Variants in PIAS2 observed in about 807,000 individuals in gnomAD.
PIAS2 encodes E3 SUMO-protein ligase PIAS2.
A neutral mutation model predicts 69.7 loss-of-function variants in PIAS2; 19 were observed. The ratio of observed to expected loss-of-function variants is 0.27; its 90% confidence interval spans 0.19 to 0.40. The LOEUF (loss-of-function observed/expected upper bound fraction) is 0.40. Ranked by LOEUF, PIAS2 falls within the 10% of genes least tolerant of loss-of-function variation. PIAS2 has a pLI of 1.00. For missense variants in PIAS2, 624 were observed against 757.0 expected, an observed-to-expected ratio of 0.82 and a Z score of 2.06; for synonymous variants, 261 against 263.2, an observed-to-expected ratio of 0.99 and a Z score of 0.08.
chr18:46,875,858 T>C (rs1363189685), intron 2 of PIAS2, among the ~76,000 whole-genome samples: 2 of 152,226 alleles, frequency 1.3e-5, no homozygotes, highest in Non-Finnish European at 2.9e-5. Context: ...AGGCATGAAC[T>C]GTATGGTAGC....
At chr18:46,902,718 T>C (rs2056071781) in intron 1 of PIAS2, among the ~76,000 whole-genome samples, 2 of 152,318 alleles carry the variant, frequency 1.3e-5, no homozygotes, top group East Asian at 1.9e-4. Flanking sequence ...GATGAGATTA[T>C]TCTAAAATGT....
intron 1 of PIAS2, among the ~76,000 whole-genome samples, chr18:46,899,650 A>G (rs1275631434): frequency 6.6e-6 from 1 of 152,170 alleles, no homozygotes; most frequent in African/African-American, 2.4e-5. Flanking sequence ...TAATTTTAGT[A>G]AAGATGAGAT....
intron 7 of PIAS2, 30 bp from the exon 8 acceptor site, chr18:46,844,157 A>G: frequency 3.4e-6 from 4 of 1,167,712 alleles, no homozygotes; most frequent in Middle Eastern, 4.6e-4. Context: ...AAAAAAATTT[A>G]AAAAAATTAA....
intron 3 of PIAS2, among the ~76,000 whole-genome samples, chr18:46,858,925 T>C (rs1404388099): frequency 6.6e-6 from 1 of 152,084 alleles, no homozygotes; most frequent in Non-Finnish European, 1.5e-5. Flanking sequence ...AGTTATAGCA[T>C]CAATCTCCCA....
intron 2 of PIAS2, among the ~76,000 whole-genome samples, chr18:46,890,195 G>C (rs1166512577): frequency 6.6e-6 from 1 of 152,190 alleles, no homozygotes; most frequent in East Asian, 1.9e-4. Flanking sequence ...GAGAGGAGGA[G>C]AGGAAGGCTA....
rs148134647 is a variant in PIAS2 at position 46,865,308 on chromosome 18, G to C, written c.500-1060C>G. Among the ~76,000 whole-genome samples the C allele has an allele frequency of 7.9e-4, 120 of 152,236 alleles. 1 individual carries two copies. Among genetic ancestry groups the C allele is most frequent in the East Asian group, 4.8e-3 (25 of 5,172 alleles). ...TAATCCCAGCACTCTGGGAGGCCGAGGCAGGTGGATTACTTGAGGTCAAGT... is the reference window on the plus strand; with the variant it reads ...TAATCCCAGCACTCTGGGAGGCCGACGCAGGTGGATTACTTGAGGTCAAGT... On this transcript the variant is annotated intron_variant, in intron 2 of 13. Coordinates refer to ENST00000585916, the MANE Select transcript of PIAS2 (RefSeq NM_004671.5).
Position 46,917,400 on chromosome 18 carries a change from GC to G in PIAS2, c.-56del. 1 of 1,422,686 alleles carries G rather than the reference GC, an allele frequency of 7.0e-7. No individual in the cohort carries two copies. Among genetic ancestry groups the G allele is most frequent in the Non-Finnish European group, 9.2e-7 (1 of 1,081,830 alleles). The allele number at this position is 1,422,686 out of a possible 1,614,324, so 88.1% of individuals were successfully genotyped here. The stretch of plus-strand genomic sequence containing the variant: ...TGCCGCCGCACCCACTCCCGCTGCC[GC>G]CAACGACGCTGCCGCCACCACGGCC... On this transcript the variant is annotated 5_prime_UTR_variant, in exon 1 of 14. It introduces an in-frame stop codon into an upstream open reading frame of the 5' UTR. Transcript: ENST00000585916.
Position 46,807,810 on chromosome 18 carries a change from C to G in PIAS2, c.*4623G>C, listed in dbSNP as rs776608088. ...AAGGCAGAGGGTCTTAGTGCAGATG[C>G]CTGCATAAAGATAAAACGTTGCATG... On this transcript the variant is annotated 3_prime_UTR_variant, in exon 14 of 14. Coordinates refer to ENST00000585916, the MANE Select transcript of PIAS2 (RefSeq NM_004671.5). 1 of 152,158 alleles carries G rather than the reference C, an allele frequency of 6.6e-6. No homozygotes were observed. Among genetic ancestry groups the G allele is most frequent in the Non-Finnish European group, 1.5e-5 (1 of 68,034 alleles). 9.4% of individuals were successfully genotyped at this position (152,158 alleles called of 1,614,324 possible). A position where few individuals can be genotyped will look rare whatever the true frequency, so the allele number is the denominator to read the frequency against.
intron 6 of PIAS2, 167 bp from the exon 7 acceptor site, chr18:46,845,006 C>G (rs1272975117): frequency 2.6e-6 from 1 of 387,734 alleles, no homozygotes; most frequent in Non-Finnish European, 4.6e-6. Flanking sequence ...AGCTACTTCA[C>G]TGAAAATAAA....
chr18:46,919,354 C>T (rs1373916230), upstream of PIAS2, among the ~76,000 whole-genome samples: 4 of 152,060 alleles, frequency 2.6e-5, no homozygotes, highest in African/African-American at 9.7e-5. Flanking sequence ...GGCGTGGTGG[C>T]GCATTCCTGT....
Position 46,810,198 on chromosome 18 carries a change from C to T in PIAS2, c.*2235G>A, listed in dbSNP as rs1002506786. The T allele has an allele frequency of 7.0e-6, 1 of 142,678 alleles. No individual in the cohort carries two copies. Among genetic ancestry groups the T allele is most frequent in the African/African-American group, 2.6e-5 (1 of 38,494 alleles). 8.8% of individuals were successfully genotyped at this position (142,678 alleles called of 1,614,324 possible). On this transcript the variant is annotated 3_prime_UTR_variant, in exon 14 of 14. Coordinates refer to ENST00000585916, the MANE Select transcript of PIAS2 (RefSeq NM_004671.5). ...TGTTCACAGAAAATAGAAAAAAAAA[C>T]AAAAAAACAAATCACAATTATAAAA...
At chr18:46,820,793 A>T in intron 12 of PIAS2, 140 bp downstream of exon 12, 1 of 625,390 alleles carries the variant, frequency 1.6e-6, no homozygotes, top group South Asian at 2.6e-5. Flanking sequence ...GTATAAAAAC[A>T]GATAAGACCT....
At chr18:46,902,949 T>A (rs1340096877) in intron 1 of PIAS2, among the ~76,000 whole-genome samples, 1 of 152,172 alleles carries the variant, frequency 6.6e-6, no homozygotes, top group African/African-American at 2.4e-5. Flanking sequence ...AGGTGTAAAA[T>A]TAACTCAGTG....
At chr18:46,832,236 G>A (rs995856842) in intron 9 of PIAS2, among the ~76,000 whole-genome samples, 16 of 151,952 alleles carry the variant, frequency 1.1e-4, no homozygotes, top group Non-Finnish European at 2.1e-4. Flanking sequence ...CCAACATGGT[G>A]AAACCCTGTC....
At chr18:46,848,788 T>A (rs72907179) in intron 5 of PIAS2, among the ~76,000 whole-genome samples, 7,759 of 146,172 alleles carry the variant, frequency 0.053, 211 homozygotes, top group Non-Finnish European at 0.067. Flanking sequence ...TGTGTGTGTG[T>A]GAGAGAGAGA....
chr18:46,890,546 T>G (rs770775711), intron 2 of PIAS2, 34 bp downstream of exon 2: 38 of 1,286,976 alleles, frequency 3.0e-5, no homozygotes, highest in Non-Finnish European at 4.2e-5. Context: ...ATTTACTATC[T>G]TGTTCAGAAG....
intron 2 of PIAS2, among the ~76,000 whole-genome samples, chr18:46,874,260 C>T (rs1010940073): frequency 2.6e-5 from 4 of 152,150 alleles, no homozygotes; most frequent in African/African-American, 7.2e-5. Context: ...CCCAATAGGT[C>T]GCCTAAAGTA....
intron 2 of PIAS2, among the ~76,000 whole-genome samples, chr18:46,883,230 T>C (rs1320641694): frequency 6.6e-6 from 1 of 152,180 alleles, no homozygotes; most frequent in Non-Finnish European, 1.5e-5. Flanking sequence ...TTTCTTATGA[T>C]TTTTGATTCC....
chr18:46,851,069 G>GCACA lies in PIAS2; in HGVS notation c.727-4232_727-4229dup, dbSNP rs538915104. On this transcript the variant is annotated intron_variant, in intron 5 of 13. Coordinates refer to ENST00000585916, the MANE Select transcript of PIAS2 (RefSeq NM_004671.5). ...TGCCTCTTCAAATTGGGGTGAGTGTGCACACAATTATGTGTTTTAAAAGAA... is the reference window on the plus strand; with the variant it reads ...TGCCTCTTCAAATTGGGGTGAGTGTGCACACACACAATTATGTGTTTTAAAAGAA... Among the ~76,000 whole-genome samples the GCACA allele has an allele frequency of 5.9e-5, 9 of 152,226 alleles. No homozygotes were observed. In the East Asian group the frequency reaches 1.7e-3, roughly 30 times the overall value.
Sources: allele counts gnomAD v4.1 joint callset (sites outside exome capture counted in the v4.1 genomes callset), GRCh38; gene constraint gnomAD v4.1.1; transcripts MANE v1.5; gene names NCBI Gene and HGNC (gene_info 2026-07-23, HGNC 2026-07-21).